Variants in GRK5 observed in about 807,000 individuals in gnomAD.
GRK5 encodes the protein g protein-coupled receptor kinase GRK5.
Under a neutral mutation model 78.4 loss-of-function variants are expected in GRK5, and 40 were observed. The observed-to-expected ratio is 0.51, with a 90% CI of 0.40 to 0.66. The LOEUF (loss-of-function observed/expected upper bound fraction) is 0.66, where lower values mean the gene tolerates loss of function less well. Among genes scored for constraint, GRK5 ranks in the 30% least tolerant of loss-of-function variants. The pLI is 0.00. For missense variants in GRK5, 598 were observed against 759.9 expected, an observed-to-expected ratio of 0.79 and a Z score of 2.50; for synonymous variants, 289 against 296.8, an observed-to-expected ratio of 0.97 and a Z score of 0.27.
intron 12 of GRK5, among the ~76,000 whole-genome samples, chr10:119,447,023 C>T (rs893405089): frequency 1.3e-5 from 2 of 152,264 alleles, no homozygotes; most frequent in South Asian, 2.1e-4. Flanking sequence ...ACACCAACTG[C>T]GTACAGCTGC....
At chr10:119,335,173 T>TCC (rs1850857313) in intron 2 of GRK5, among the ~76,000 whole-genome samples, 2 of 123,698 alleles carry the variant, frequency 1.6e-5, no homozygotes, top group East Asian at 2.4e-4. Flanking sequence ...TCTCTCTCTC[T>TCC]CTCCCCCTCT....
chr10:119,308,070 C>A (rs1334729044), intron 1 of GRK5, among the ~76,000 whole-genome samples: 2 of 152,136 alleles, frequency 1.3e-5, no homozygotes, highest in Admixed American at 1.3e-4. Context: ...GGAGTGGGCA[C>A]CCATGGCGGG....
At chr10:119,296,714 C>G (rs1850088482) in intron 1 of GRK5, among the ~76,000 whole-genome samples, 1 of 152,162 alleles carries the variant, frequency 6.6e-6, no homozygotes, top group Admixed American at 6.5e-5. Flanking sequence ...GTTTTTCCTC[C>G]TAAAATCAGT....
chr10:119,331,000 C>T (rs192137012), intron 2 of GRK5, among the ~76,000 whole-genome samples: 97 of 152,324 alleles, frequency 6.4e-4, no homozygotes, highest in African/African-American at 2.2e-3. Context: ...AGCTTCCAGG[C>T]ATTGCCCTGG....
intron 1 of GRK5, among the ~76,000 whole-genome samples, chr10:119,285,760 C>T (rs76569934): frequency 2.1e-3 from 327 of 152,256 alleles, no homozygotes; most frequent in African/African-American, 7.7e-3. Flanking sequence ...TTATAAAAGC[C>T]ATATCCGTGG....
Position 119,429,373 on chromosome 10 carries a change from G to A in GRK5, c.534-1002G>A, listed in dbSNP as rs1010921513. ...CCAGTTCTTTGGCCCAGTTCTGCTC[G>A]ATCCAACCCCTGCCCTGGTCGGGAC... On this transcript the variant is annotated intron_variant, in intron 6 of 15. Transcript: ENST00000392870. Among the ~76,000 whole-genome samples, 5 of 145,440 alleles carry A rather than the reference G, an allele frequency of 3.4e-5. No individual in the cohort carries two copies. In the Admixed American group the frequency reaches 3.5e-4, roughly 10 times the overall value.
chr10:119,262,307 A>G (rs896096544), intron 1 of GRK5, among the ~76,000 whole-genome samples: 9 of 139,730 alleles, frequency 6.4e-5, no homozygotes, highest in African/African-American at 2.4e-4. Context: ...TGAAGATTAT[A>G]TATGAATGTT....
chr10:119,254,289 G>A (rs748920170), intron 1 of GRK5, among the ~76,000 whole-genome samples: 8 of 152,230 alleles, frequency 5.3e-5, no homozygotes, highest in Non-Finnish European at 1.0e-4. Flanking sequence ...TGCACAGCTA[G>A]AACTCAAATC....
rs2133896067 is a variant in GRK5, at chr10:119,431,957, G to A, written c.738+430G>A. On this transcript the variant is annotated intron_variant, in intron 8 of 15. Transcript: ENST00000392870. The surrounding 1 kb of genome is among the most constrained non-coding windows in gnomAD (Gnocchi z 4.8). ...AAGTCTGTGTGCATTGTGTTAGTCA[G>A]TCTAGGCTGGGCCCTGCTGCAGTAA... Among the ~76,000 whole-genome samples, 1 of 152,354 alleles carries A rather than the reference G, an allele frequency of 6.6e-6. No homozygotes were observed. Among genetic ancestry groups the A allele is most frequent in the South Asian group, 2.1e-4 (1 of 4,826 alleles).
chr10:119,269,160 T>C (rs1849547846), intron 1 of GRK5, among the ~76,000 whole-genome samples: 1 of 152,262 alleles, frequency 6.6e-6, no homozygotes, highest in Admixed American at 6.5e-5. Flanking sequence ...CAAACCAGCA[T>C]CTTTTCTAAA....
rs1853432721 is a variant in GRK5, at chr10:119,458,415, C to CG, written c.*3349dup. 1 of 152,248 alleles carries CG rather than the reference C, an allele frequency of 6.6e-6. No individual in the cohort carries two copies. Among genetic ancestry groups the CG allele is most frequent in the Non-Finnish European group, 1.5e-5 (1 of 68,064 alleles). 9.4% of individuals were successfully genotyped at this position (152,248 alleles called of 1,614,324 possible). A position where few individuals can be genotyped will look rare whatever the true frequency, so the allele number is the denominator to read the frequency against. On this transcript the variant is annotated 3_prime_UTR_variant, in exon 16 of 16. Transcript: ENST00000392870. Reference sequence around the variant, plus strand: ...CTCACATGCCACAGCAACCCATTCTCGCCTCTTCCTTGGCCGGGAACCCGG... The same window carrying CG: ...CTCACATGCCACAGCAACCCATTCTCGGCCTCTTCCTTGGCCGGGAACCCGG...
intron 1 of GRK5, among the ~76,000 whole-genome samples, chr10:119,210,708 T>A (rs974327656): frequency 6.6e-6 from 1 of 152,222 alleles, no homozygotes; most frequent in African/African-American, 2.4e-5. Flanking sequence ...TTAATTTAGT[T>A]CACTTAACAA....
chr10:119,251,052 GGTTTTGT>G (rs1390646649), intron 1 of GRK5, among the ~76,000 whole-genome samples: 5 of 152,012 alleles, frequency 3.3e-5, no homozygotes, highest in Non-Finnish European at 7.4e-5. Flanking sequence ...AAATGTTTCT[GGTTTTGT>G]GTGTGTTTTC....
At chr10:119,279,675 G>C (rs1484806587) in intron 1 of GRK5, among the ~76,000 whole-genome samples, 1 of 152,248 alleles carries the variant, frequency 6.6e-6, no homozygotes, top group Admixed American at 6.5e-5. Flanking sequence ...GCCGAGGCCA[G>C]CTCCAACGCT....
At chr10:119,371,449 G>A (rs1851545938) in intron 2 of GRK5, among the ~76,000 whole-genome samples, 1 of 152,274 alleles carries the variant, frequency 6.6e-6, no homozygotes, top group Admixed American at 6.5e-5. Flanking sequence ...AACAGTGACA[G>A]CATTTATTTA....
rs980670410 is a variant in GRK5 at position 119,458,689 on chromosome 10, G to C, written c.*3622G>C. 1 of 152,280 alleles carries C rather than the reference G, an allele frequency of 6.6e-6. No individual in the cohort carries two copies. Among genetic ancestry groups the C allele is most frequent in the East Asian group, 1.9e-4 (1 of 5,188 alleles). The allele number at this position is 152,280 out of a possible 1,614,324, so 9.4% of individuals were successfully genotyped here. ...GCCCAGGTGAGCCCCTGAGGATACC[G>C]AGGCCTTCCCTCCCTGAGGCCCGCA... On this transcript the variant is annotated 3_prime_UTR_variant, in exon 16 of 16. Coordinates refer to ENST00000392870, the MANE Select transcript of GRK5 (RefSeq NM_005308.3).
intron 4 of GRK5, among the ~76,000 whole-genome samples, chr10:119,420,890 C>T (rs1458870196): frequency 2.0e-5 from 3 of 152,200 alleles, no homozygotes; most frequent in Non-Finnish European, 4.4e-5. Context: ...CTGGCTTCAT[C>T]TTCATCTTTT....
At chr10:119,270,775 A>G (rs1316703216) in intron 1 of GRK5, among the ~76,000 whole-genome samples, 1 of 152,258 alleles carries the variant, frequency 6.6e-6, no homozygotes, top group Non-Finnish European at 1.5e-5. Flanking sequence ...AGAGTTAAGT[A>G]GGGTTTTGTA....
chr10:119,410,461 G>C (rs1311685397), intron 4 of GRK5, among the ~76,000 whole-genome samples: 1 of 152,186 alleles, frequency 6.6e-6, no homozygotes, highest in Non-Finnish European at 1.5e-5. Flanking sequence ...GAAGGGCTGG[G>C]TTTTTCTACT....
Sources: allele counts gnomAD v4.1 joint callset (sites outside exome capture counted in the v4.1 genomes callset), GRCh38; gene constraint gnomAD v4.1.1; non-coding constraint Gnocchi (gnomAD v3.1); transcripts MANE v1.5; gene names NCBI Gene and HGNC (gene_info 2026-07-23, HGNC 2026-07-21).